SIK3: variants seen among roughly 807,000 people sequenced by gnomAD.
SIK3 encodes serine/threonine-protein kinase SIK3.
In SIK3, 28 loss-of-function variants were observed where a neutral mutation model predicts 144.2. That is an observed-to-expected ratio of 0.19 (90% CI 0.14 to 0.27). SIK3 has a LOEUF of 0.27. Among genes scored for constraint, SIK3 ranks in the 10% least tolerant of loss-of-function variants. The pLI is 1.00. For synonymous variants in SIK3, 686 were observed against 676.3 expected (o/e 1.01, Z -0.22); for missense variants, 1,319 against 1,776.0 (o/e 0.74, Z 4.62).
At chr11:116,847,327 T>C in intron 23 of SIK3, 149 bp downstream of exon 23, 1 of 1,105,490 alleles carries the variant, frequency 9.0e-7, no homozygotes, top group Non-Finnish European at 1.3e-6. Context: ...GGAAGACCAG[T>C]GGGGAAAGGG....
intron 1 of SIK3, among the ~76,000 whole-genome samples, chr11:117,002,679 A>T (rs1029154274): frequency 7.2e-5 from 11 of 152,258 alleles, no homozygotes; most frequent in Non-Finnish European, 1.5e-4. Flanking sequence ...CATAATAAAT[A>T]CATTTTAACT....
intron 1 of SIK3, among the ~76,000 whole-genome samples, chr11:117,069,090 T>C (rs560185761): frequency 1.3e-5 from 2 of 149,472 alleles, no homozygotes; most frequent in African/African-American, 2.5e-5. Context: ...CATGAATCTA[T>C]GGCTTTACTT....
At chr11:117,050,466 A>G (rs1953187508) in intron 1 of SIK3, among the ~76,000 whole-genome samples, 1 of 151,960 alleles carries the variant, frequency 6.6e-6, no homozygotes, top group African/African-American at 2.4e-5. Flanking sequence ...CGGGCAGATC[A>G]CTTGAGGTCA....
intron 21 of SIK3, among the ~76,000 whole-genome samples, chr11:116,853,073 T>C (rs375767671): frequency 4.6e-5 from 7 of 152,302 alleles, no homozygotes; most frequent in South Asian, 4.1e-4. Flanking sequence ...CAGCAAAGTG[T>C]TGGCAAATCT....
At chr11:116,949,110 TAGAG>T (rs1352504106) in intron 3 of SIK3, among the ~76,000 whole-genome samples, 6 of 147,282 alleles carry the variant, frequency 4.1e-5, no homozygotes, top group African/African-American at 1.0e-4. Flanking sequence ...AAAGCATGCT[TAGAG>T]AGAAATTTAT....
intron 1 of SIK3, among the ~76,000 whole-genome samples, chr11:116,983,382 T>G (rs1950216531): frequency 6.6e-6 from 1 of 151,452 alleles, no homozygotes; most frequent in Admixed American, 6.6e-5. Flanking sequence ...ATACAAAAAT[T>G]AGCCAGGCAT....
intron 3 of SIK3, among the ~76,000 whole-genome samples, chr11:116,945,261 G>A (rs1440441202): frequency 6.6e-6 from 1 of 152,002 alleles, no homozygotes. Flanking sequence ...GCAACATGTG[G>A]ACAGTGGCTG....
intron 2 of SIK3, among the ~76,000 whole-genome samples, chr11:116,955,717 TAG>T (rs1949113868): frequency 6.6e-6 from 1 of 152,164 alleles, no homozygotes; most frequent in Non-Finnish European, 1.5e-5. Context: ...CTCACAGATA[TAG>T]GTCTTCAGGC....
chr11:117,075,593 G>A (rs1163282769), intron 1 of SIK3, among the ~76,000 whole-genome samples: 1 of 147,816 alleles, frequency 6.8e-6, no homozygotes, highest in Non-Finnish European at 1.5e-5. Flanking sequence ...CCAGGCTGGA[G>A]TGCAGTGGCA....
intron 1 of SIK3, among the ~76,000 whole-genome samples, chr11:117,039,718 T>C (rs759751373): frequency 6.6e-6 from 1 of 152,220 alleles, no homozygotes; most frequent in Non-Finnish European, 1.5e-5. Context: ...ATGTAGTAGG[T>C]ACTATAGCTA....
intron 4 of SIK3, among the ~76,000 whole-genome samples, chr11:116,899,337 G>A (rs1945618480): frequency 6.6e-6 from 1 of 152,022 alleles, no homozygotes; most frequent in Non-Finnish European, 1.5e-5. Flanking sequence ...CTATATCTCT[G>A]TTTTGGTACC....
chr11:116,979,315 C>A (rs1200632130), intron 1 of SIK3, among the ~76,000 whole-genome samples: 8 of 151,986 alleles, frequency 5.3e-5, no homozygotes, highest in Admixed American at 3.3e-4. Flanking sequence ...GTAAAATTAA[C>A]TTTTTCATGA....
chr11:116,931,780 G>A (rs1016156879), intron 3 of SIK3, among the ~76,000 whole-genome samples: 1 of 152,084 alleles, frequency 6.6e-6, no homozygotes, highest in Non-Finnish European at 1.5e-5. Flanking sequence ...TCAAACAAAC[G>A]CTTCTTTCCA....
chr11:116,965,779 ATAT>A (rs1429705471), intron 1 of SIK3, among the ~76,000 whole-genome samples: 2 of 107,378 alleles, frequency 1.9e-5, no homozygotes, highest in East Asian at 2.7e-4. Context: ...ATATATATAT[ATAT>A]AAATTAGCCA....
chr11:116,996,207 C>G (rs977841337), intron 1 of SIK3, among the ~76,000 whole-genome samples: 3 of 152,008 alleles, frequency 2.0e-5, no homozygotes, highest in Non-Finnish European at 2.9e-5. Flanking sequence ...ATTCGGGAGG[C>G]TGAGGCATGA....
intron 1 of SIK3, among the ~76,000 whole-genome samples, chr11:117,082,020 A>T (rs1469423832): frequency 1.3e-5 from 2 of 152,254 alleles, no homozygotes; most frequent in African/African-American, 4.8e-5. Flanking sequence ...CAAATGATCA[A>T]CTGGCACATG....
intron 4 of SIK3, among the ~76,000 whole-genome samples, chr11:116,897,629 G>A (rs575506169): frequency 1.3e-5 from 2 of 152,340 alleles, no homozygotes; most frequent in East Asian, 3.9e-4. Flanking sequence ...AGTGGCTCAT[G>A]CCTGTAATCC....
At position 116,845,580 on chromosome 11, in the gene SIK3, A is replaced by G. The variant is rs1264297571; in HGVS notation, c.*63T>C. ...GGGCAATTTGGCACAACGCTGCTAG[A>G]TACTGTGGGTTTACAATCAACCTTT... On this transcript the variant is annotated 3_prime_UTR_variant, in exon 25 of 25. Transcript: ENST00000445177. 6.6e-6 allele frequency: 1 copy of G among 152,268 alleles called. No homozygotes were observed. The highest frequency in any genetic ancestry group is 1.5e-5 in the Non-Finnish European group (1 of 68,052). 9.4% of individuals were successfully genotyped at this position (152,268 alleles called of 1,614,324 possible). A position where few individuals can be genotyped will look rare whatever the true frequency, so the allele number is the denominator to read the frequency against.
intron 15 of SIK3, among the ~76,000 whole-genome samples, chr11:116,865,691 G>A (rs907802151): frequency 6.6e-6 from 1 of 152,056 alleles, no homozygotes; most frequent in Non-Finnish European, 1.5e-5. Flanking sequence ...CTGTTTCCAT[G>A]TTGAACTTCA....
Sources: gnomAD v4.1 joint callset for allele counts (sites outside exome capture counted in the v4.1 genomes callset) on GRCh38, gnomAD v4.1.1 for gene constraint, MANE v1.5 for transcripts, NCBI Gene and HGNC (gene_info 2026-07-23, HGNC 2026-07-21) for gene names.